The following GRID1 variants were observed in gnomAD, a reference collection of about 807,000 sequenced individuals.
GRID1 encodes glutamate ionotropic receptor delta type subunit 1.
GRID1 carries 28 observed loss-of-function variants against 98.0 expected under a neutral mutation model. The observed-to-expected ratio is 0.29, with a 90% CI of 0.21 to 0.39. The LOEUF is 0.39. Ranked by LOEUF, GRID1 falls within the 10% of genes least tolerant of loss-of-function variation. The pLI, the probability that GRID1 is intolerant of heterozygous loss-of-function variation, is 1.00. For missense variants in GRID1, 1,111 were observed against 1,340.5 expected, an observed-to-expected ratio of 0.83 and a Z score of 2.67; for synonymous variants, 553 against 538.5, an observed-to-expected ratio of 1.03 and a Z score of -0.37.
chr10:85,650,274 AG>A (rs1843251098), intron 12 of GRID1: 1 of 152,208 alleles, frequency 6.6e-6, no homozygotes, highest in African/African-American at 2.4e-5. Context: ...CTAGCAAGTG[AG>A]GGAGGCTTCA....
intron 8 of GRID1, among the ~76,000 whole-genome samples, chr10:85,780,455 A>G (rs1842371831): frequency 6.6e-6 from 1 of 152,222 alleles, no homozygotes; most frequent in Non-Finnish European, 1.5e-5. Context: ...ACCACGGGGC[A>G]GAAGTCCTGT....
chr10:86,268,383 T>C (rs552603082), intron 2 of GRID1, among the ~76,000 whole-genome samples: 13 of 152,362 alleles, frequency 8.5e-5, no homozygotes, highest in African/African-American at 3.1e-4. Flanking sequence ...TCAGCCTGTT[T>C]CCTGGAGGAA....
chr10:86,251,586 C>A (rs188129249), intron 2 of GRID1, among the ~76,000 whole-genome samples: 143 of 152,182 alleles, frequency 9.4e-4, no homozygotes, highest in Middle Eastern at 3.4e-3. Flanking sequence ...AGGCCCCTGA[C>A]AGGAGTGGCC....
chr10:86,322,757 T>TAAATA (rs1208921728), intron 2 of GRID1, among the ~76,000 whole-genome samples: 4 of 149,882 alleles, frequency 2.7e-5, no homozygotes, highest in Non-Finnish European at 5.9e-5. Context: ...AATAAATAAA[T>TAAATA]AATAAAAATA....
At chr10:86,127,259 C>A (rs923771196) in intron 4 of GRID1, among the ~76,000 whole-genome samples, 2 of 152,168 alleles carry the variant, frequency 1.3e-5, no homozygotes, top group Non-Finnish European at 2.9e-5. Context: ...CCAAAGCACC[C>A]AGTGTAAGAG....
intron 3 of GRID1, among the ~76,000 whole-genome samples, chr10:86,145,219 T>C (rs1845069866): frequency 6.6e-6 from 1 of 152,160 alleles, no homozygotes; most frequent in Non-Finnish European, 1.5e-5. Context: ...TAAGAGACTG[T>C]GGTCCTAACA....
chr10:85,888,783 C>T (rs1841153681), intron 5 of GRID1, among the ~76,000 whole-genome samples: 1 of 152,022 alleles, frequency 6.6e-6, no homozygotes, highest in African/African-American at 2.4e-5. Context: ...ACTCTTCCTC[C>T]CTCTCTCTTT....
intron 12 of GRID1, among the ~76,000 whole-genome samples, chr10:85,679,923 G>C (rs1458959415): frequency 1.3e-5 from 2 of 152,174 alleles, no homozygotes; most frequent in Non-Finnish European, 2.9e-5. Flanking sequence ...ACCATGATGG[G>C]CCTAGGGAGA....
At chr10:85,728,223 G>A (rs1365959828) in intron 9 of GRID1, among the ~76,000 whole-genome samples, 171 bp from the exon 10 acceptor site, 1 of 152,164 alleles carries the variant, frequency 6.6e-6, no homozygotes, top group Non-Finnish European at 1.5e-5. Context: ...GACACTCAAG[G>A]AACAGTGCAC....
chr10:86,249,583 A>C (rs1273195877), intron 2 of GRID1, among the ~76,000 whole-genome samples: 1 of 151,248 alleles, frequency 6.6e-6, no homozygotes, highest in Non-Finnish European at 1.5e-5. Flanking sequence ...TCTTCCACAC[A>C]CCCCGACTCA....
At chr10:85,669,721 C>A (rs996964073) in intron 12 of GRID1, among the ~76,000 whole-genome samples, 1 of 152,180 alleles carries the variant, frequency 6.6e-6, no homozygotes, top group Non-Finnish European at 1.5e-5. Context: ...CGGATCTTAT[C>A]CTGAGGCCCC....
intron 2 of GRID1, among the ~76,000 whole-genome samples, chr10:86,243,552 A>T (rs893550179): frequency 6.6e-6 from 1 of 152,188 alleles, no homozygotes; most frequent in Non-Finnish European, 1.5e-5. Context: ...AGTGGTAAAG[A>T]ACAAAAAACA....
At chr10:86,019,532 T>C (rs1391071003) in intron 4 of GRID1, among the ~76,000 whole-genome samples, 3 of 152,248 alleles carry the variant, frequency 2.0e-5, no homozygotes, top group Non-Finnish European at 4.4e-5. Flanking sequence ...AGGTGGAATC[T>C]GTGTTCTCAA....
At chr10:86,027,270 C>A (rs1843128051) in intron 4 of GRID1, among the ~76,000 whole-genome samples, 1 of 152,180 alleles carries the variant, frequency 6.6e-6, no homozygotes, top group Admixed American at 6.5e-5. Flanking sequence ...TTCTCCGCAG[C>A]CCCTGCAACC....
intron 8 of GRID1, among the ~76,000 whole-genome samples, chr10:85,850,514 G>C (rs2131777773): frequency 6.6e-6 from 1 of 152,310 alleles, no homozygotes; most frequent in East Asian, 1.9e-4. Context: ...TGGCACACAG[G>C]GCTGAGTGAT....
intron 10 of GRID1, among the ~76,000 whole-genome samples, chr10:85,727,628 A>C (rs1841775657): frequency 6.6e-6 from 1 of 152,172 alleles, no homozygotes; most frequent in African/African-American, 2.4e-5. Context: ...AAGGAATGAC[A>C]GCAATGGGCA....
At chr10:86,091,320 C>T (rs941588308) in intron 4 of GRID1, among the ~76,000 whole-genome samples, 1 of 152,116 alleles carries the variant, frequency 6.6e-6, no homozygotes, top group African/African-American at 2.4e-5. Context: ...GAGACCAGCC[C>T]TTCAGTTTGC....
In GRID1 at chr10:85,870,655, AG is replaced by A. The variant is rs753916745; in HGVS notation, c.781-1476del. Among the ~76,000 whole-genome samples the A allele has an allele frequency of 2.2e-4, 33 of 152,272 alleles. 1 individual carries two copies. The South Asian group carries it at 3.3e-3, about 15-fold the overall frequency. ...TGGTGGTGCTGTGGAAGGAAGGTGG[AG>A]GGAGCTGCCAATAGCTCCCTGTTCC... is the stretch of plus-strand genomic sequence containing the variant. On this transcript the variant is annotated intron_variant, in intron 5 of 15. Coordinates refer to ENST00000327946, the MANE Select transcript of GRID1 (RefSeq NM_017551.3).
Position 86,366,547 on chromosome 10 carries a change from T to C in GRID1, c.-155A>G, listed in dbSNP as rs1472713471. ...CCCCCGCGCGCCCGCCCCTGCGCCCTGCGCCCGCCCCAGCCCAGCCCAGCC... is the reference window on the plus strand; with the variant it reads ...CCCCCGCGCGCCCGCCCCTGCGCCCCGCGCCCGCCCCAGCCCAGCCCAGCC... On this transcript the variant is annotated 5_prime_UTR_variant, in exon 1 of 16. Transcript: ENST00000327946. The surrounding 1 kb of genome is among the most constrained non-coding windows in gnomAD (Gnocchi z 4.1). The C allele has an allele frequency of 3.2e-6, 1 of 309,904 alleles. No individual in the cohort carries two copies. Among genetic ancestry groups the C allele is most frequent in the Non-Finnish European group, 5.6e-6 (1 of 178,640 alleles). The allele number at this position is 309,904 out of a possible 1,614,324, so 19.2% of individuals were successfully genotyped here.
Sources: gnomAD v4.1 joint callset for allele counts (sites outside exome capture counted in the v4.1 genomes callset) on GRCh38, gnomAD v4.1.1 for gene constraint, Gnocchi (gnomAD v3.1) non-coding constraint, MANE v1.5 for transcripts, NCBI Gene and HGNC (gene_info 2026-07-23, HGNC 2026-07-21) for gene names.